TFCP2: variants seen among roughly 807,000 people sequenced by gnomAD.
TFCP2 encodes the protein alpha-globin transcription factor CP2.
TFCP2 carries 33 observed loss-of-function variants against 73.4 expected under a neutral mutation model. That is an observed-to-expected ratio of 0.45 (90% CI 0.34 to 0.60). TFCP2 has a LOEUF of 0.60. Among genes scored for constraint, TFCP2 ranks in the 20% least tolerant of loss-of-function variants. TFCP2 has a pLI of 0.01. For missense variants in TFCP2, 352 were observed against 604.0 expected, an observed-to-expected ratio of 0.58 and a Z score of 4.37; for synonymous variants, 193 against 211.6, an observed-to-expected ratio of 0.91 and a Z score of 0.76.
At chr12:51,164,736 T>A (rs1037424039) in intron 1 of TFCP2, among the ~76,000 whole-genome samples, 1 of 152,002 alleles carries the variant, frequency 6.6e-6, no homozygotes, top group Non-Finnish European at 1.5e-5. Flanking sequence ...GAAAGGATTA[T>A]AAGAGAATAC....
At chr12:51,103,548 A>G in intron 10 of TFCP2, 122 bp downstream of exon 10, 1 of 635,306 alleles carries the variant, frequency 1.6e-6, no homozygotes, top group Non-Finnish European at 2.6e-6. Context: ...ATTTCATCAG[A>G]AAAATGCAGT....
intron 1 of TFCP2, among the ~76,000 whole-genome samples, chr12:51,144,242 T>G (rs2137019894): frequency 6.6e-6 from 1 of 152,182 alleles, no homozygotes; most frequent in Non-Finnish European, 1.5e-5. Flanking sequence ...TTATGTTGCC[T>G]AGCCTGGTCT....
intron 1 of TFCP2, among the ~76,000 whole-genome samples, chr12:51,165,254 C>T (rs969896590): frequency 2.0e-5 from 3 of 151,710 alleles, no homozygotes; most frequent in African/African-American, 7.3e-5. Flanking sequence ...AATAAAAATC[C>T]TCAAGAAAAT....
intron 1 of TFCP2, among the ~76,000 whole-genome samples, chr12:51,129,117 A>G (rs1940881338): frequency 6.6e-6 from 1 of 152,200 alleles, no homozygotes; most frequent in East Asian, 1.9e-4. Flanking sequence ...ATCAGGTTTC[A>G]TTAAAAACAA....
chr12:51,140,796 C>G (rs1941175317), intron 1 of TFCP2, among the ~76,000 whole-genome samples: 1 of 151,746 alleles, frequency 6.6e-6, no homozygotes, highest in Admixed American at 6.6e-5. Flanking sequence ...TGGCTCATAC[C>G]TGTAATCGCA....
At chr12:51,123,034 T>C (rs1940721537) in intron 1 of TFCP2, among the ~76,000 whole-genome samples, 1 of 152,188 alleles carries the variant, frequency 6.6e-6, no homozygotes, top group South Asian at 2.1e-4. Flanking sequence ...TTATTTTTTC[T>C]TCTCAAGTAT....
intron 1 of TFCP2, among the ~76,000 whole-genome samples, chr12:51,150,465 T>G (rs1012336034): frequency 6.6e-6 from 1 of 152,090 alleles, no homozygotes; most frequent in African/African-American, 2.4e-5. Context: ...GAATTAAAAA[T>G]TCTTTTTAAT....
chr12:51,099,648 A>G lies in TFCP2; in HGVS notation c.1276+7T>C, dbSNP rs758710358. ...ATATCTGTCCTAGTGTGTCCAGAAC[A>G]ACCTACCGAAGAAAGTACCATTTGA... On this transcript the variant is annotated splice_region_variant and intron_variant, in intron 12 of 14. Transcript: ENST00000257915. The G allele has an allele frequency of 6.2e-7, 1 of 1,614,144 alleles. No individual in the cohort carries two copies. Among genetic ancestry groups the G allele is most frequent in the South Asian group, 1.1e-5 (1 of 91,076 alleles).
intron 11 of TFCP2, among the ~76,000 whole-genome samples, chr12:51,101,331 C>T (rs1053469554): frequency 6.6e-6 from 1 of 151,916 alleles, no homozygotes; most frequent in African/African-American, 2.4e-5. Context: ...AAGTAATTCC[C>T]ACCCACATTT....
At chr12:51,132,164 G>A (rs1056138217) in intron 1 of TFCP2, among the ~76,000 whole-genome samples, 8 of 151,910 alleles carry the variant, frequency 5.3e-5, no homozygotes, top group East Asian at 1.9e-4. Context: ...AAAACCACTT[G>A]AGATTTCATC....
chr12:51,144,814 C>T (rs1486751907), intron 1 of TFCP2, among the ~76,000 whole-genome samples: 1 of 152,238 alleles, frequency 6.6e-6, no homozygotes, highest in Non-Finnish European at 1.5e-5. Context: ...GCAATCCCAA[C>T]ACTTTGGGAG....
intron 1 of TFCP2, among the ~76,000 whole-genome samples, chr12:51,140,063 C>T (rs549406484): frequency 1.9e-4 from 29 of 152,280 alleles, no homozygotes; most frequent in African/African-American, 7.0e-4. Context: ...AAGTTTTATC[C>T]TTGTTTATCA....
intron 1 of TFCP2, among the ~76,000 whole-genome samples, chr12:51,135,866 C>G (rs1328717577): frequency 6.6e-6 from 1 of 152,148 alleles, no homozygotes; most frequent in Non-Finnish European, 1.5e-5. Context: ...ATCACCACTA[C>G]TGGGGTGAAA....
intron 13 of TFCP2, among the ~76,000 whole-genome samples, chr12:51,096,421 A>C (rs1939966538): frequency 6.6e-6 from 1 of 152,060 alleles, no homozygotes; most frequent in South Asian, 2.1e-4. Flanking sequence ...TTCCCTTCTC[A>C]AACTCCCTTC....
intron 1 of TFCP2, among the ~76,000 whole-genome samples, chr12:51,121,539 C>T (rs1940674034): frequency 2.0e-5 from 3 of 148,580 alleles, no homozygotes; most frequent in Non-Finnish European, 3.0e-5. Context: ...GATCTCGGCT[C>T]ACTGCAACCT....
intron 1 of TFCP2, among the ~76,000 whole-genome samples, chr12:51,151,318 C>G (rs1941418998): frequency 6.6e-6 from 1 of 152,174 alleles, no homozygotes; most frequent in South Asian, 2.1e-4. Flanking sequence ...GTAGCATGAT[C>G]TGATGAACAT....
intron 1 of TFCP2, among the ~76,000 whole-genome samples, chr12:51,129,913 C>G (rs1292823639): frequency 6.6e-6 from 1 of 151,000 alleles, no homozygotes; most frequent in African/African-American, 2.4e-5. Flanking sequence ...ATTTGGGAGG[C>G]TGAGGCAGGA....
At chr12:51,103,142 G>A (rs1169845500) in intron 10 of TFCP2, among the ~76,000 whole-genome samples, 1 of 152,022 alleles carries the variant, frequency 6.6e-6, no homozygotes, top group Non-Finnish European at 1.5e-5. Context: ...AATTAGCTGG[G>A]TGTGATGGTA....
At chr12:51,146,919 T>C (rs147308491) in intron 1 of TFCP2, among the ~76,000 whole-genome samples, 5 of 152,314 alleles carry the variant, frequency 3.3e-5, no homozygotes, top group African/African-American at 9.6e-5. Context: ...TATGGGAGCA[T>C]ATGGTGAAGA....
Sources: allele counts gnomAD v4.1 joint callset (sites outside exome capture counted in the v4.1 genomes callset), GRCh38; gene constraint gnomAD v4.1.1; transcripts MANE v1.5; gene names NCBI Gene and HGNC (gene_info 2026-07-23, HGNC 2026-07-21).